Variants in SLC28A1 observed in about 807,000 individuals in gnomAD.
SLC28A1 encodes sodium/nucleoside cotransporter 1.
SLC28A1 carries 64 observed loss-of-function variants against 74.8 expected under a neutral mutation model. That is an observed-to-expected ratio of 0.86 (90% CI 0.70 to 1.05). The LOEUF (loss-of-function observed/expected upper bound fraction) is 1.05. SLC28A1 is among the 50% of genes least tolerant of loss of function. SLC28A1 has a pLI of 0.00. For missense variants in SLC28A1, 828 were observed against 822.8 expected (o/e 1.01, Z -0.08); for synonymous variants, 359 against 335.0 (o/e 1.07, Z -0.78).
intron 13 of SLC28A1, among the ~76,000 whole-genome samples, chr15:84,934,415 C>T (rs779748630): frequency 5.3e-5 from 8 of 152,208 alleles, no homozygotes; most frequent in Non-Finnish European, 1.0e-4. Context: ...TTTGATTTCA[C>T]TCACCTCCTA....
rs761034251 is a variant in SLC28A1 at position 84,904,113 on chromosome 15, GC to G, written c.479del (p.Ala160ValfsTer83). On this transcript the variant is annotated frameshift_variant, in exon 7 of 19. Coordinates refer to ENST00000394573, the MANE Select transcript of SLC28A1 (RefSeq NM_004213.5). LOFTEE classifies it high-confidence loss of function. ...LWFKRGLALA[A>X]FLGLVLWLSL... ...TGCCTGCAGGGGTCTAGCTCTTGCT[GC>G]TTTCCTGGGCCTGGTCCTGTGGCTG... 6.2e-7 allele frequency: 1 copy of G among 1,614,122 alleles called. No homozygotes were observed. Among genetic ancestry groups the G allele is most frequent in the African/African-American group, 1.3e-5 (1 of 74,932 alleles).
At chr15:84,888,211 A>G (rs1216250796) in intron 3 of SLC28A1, among the ~76,000 whole-genome samples, 2 of 152,028 alleles carry the variant, frequency 1.3e-5, no homozygotes, top group Non-Finnish European at 2.9e-5. Context: ...TCTCTAAGGA[A>G]ATCTCAGCCT....
chr15:84,937,601 T>A (rs1972084935), intron 15 of SLC28A1, among the ~76,000 whole-genome samples: 2 of 152,214 alleles, frequency 1.3e-5, no homozygotes, highest in African/African-American at 2.4e-5. Context: ...CTCTAGGTTT[T>A]TTAAAAAAGA....
At chr15:84,888,650 C>T in intron 3 of SLC28A1, 122 bp from the exon 4 acceptor site, 1 of 706,736 alleles carries the variant, frequency 1.4e-6, no homozygotes, top group Non-Finnish European at 2.6e-6. Context: ...TCTAATTCCT[C>T]CCTGTGCCCC....
At chr15:84,966,400 C>T in the SLC28A1 span, among the ~76,000 whole-genome samples, 1 of 152,138 alleles carries the variant, frequency 6.6e-6, no homozygotes, top group Non-Finnish European at 1.5e-5. Flanking sequence ...AAGTCTTGCT[C>T]TGTCACTCAG....
rs1970890878 is a variant in SLC28A1 at position 84,928,611 on chromosome 15, CTTTCTTTTCTTTCTTTCTTT to C, written c.1083+4502_1084-4514del. Among the ~76,000 whole-genome samples the C allele has an allele frequency of 2.5e-4, 8 of 31,788 alleles. 2 individuals carry two copies. The highest frequency in any genetic ancestry group is 7.4e-4 in the African/African-American group (4 of 5,400). 20.9% of individuals were successfully genotyped at this position (31,788 alleles called of 152,430 possible). On this transcript the variant is annotated intron_variant, in intron 12 of 18. Transcript: ENST00000394573. ...CTTTCTTTCTTTCTTTCTTTTCTTT[CTTTCTTTTCTTTCTTTCTTT>C]CTTTTTTTTTGAGACAGAGTCTCCC...
chr15:84,920,878 T>G (rs113931540), intron 10 of SLC28A1, 111 bp from the exon 11 acceptor site: 56 of 841,328 alleles, frequency 6.7e-5, no homozygotes, highest in African/African-American at 6.4e-4. Flanking sequence ...GAAGGGGTCC[T>G]ACACTGGGCT....
Position 84,924,040 on chromosome 15 carries a change from T to C in SLC28A1, c.1013T>C (p.Val338Ala), listed in dbSNP as rs139484056. The C allele has an allele frequency of 1.0e-3, 1,608 of 1,613,962 alleles. 1 individual carries two copies. Among genetic ancestry groups the C allele is most frequent in the Non-Finnish European group, 1.2e-3 (1,457 of 1,179,986 alleles). Reference protein sequence around the residue: ...PYLADMTLSEVHVVMTGGYAT... With the variant: ...PYLADMTLSEAHVVMTGGYAT... Reference sequence around the variant, plus strand: ...TTGGCAGACATGACACTCTCTGAAGTCCACGTTGTCATGACCGGAGGTTAC... The same window carrying C: ...TTGGCAGACATGACACTCTCTGAAGCCCACGTTGTCATGACCGGAGGTTAC... Residue 338 changes from valine (V) to alanine (A), a missense_variant, in exon 12 of 19, where the codon GTC becomes GCC. This residue lies in a region of SLC28A1 where 767 missense variants were observed against 753.5 expected (regional missense o/e 1.02). Coordinates refer to ENST00000394573, the MANE Select transcript of SLC28A1 (RefSeq NM_004213.5).
At chr15:84,910,466 T>G (rs12101889) in intron 9 of SLC28A1, among the ~76,000 whole-genome samples, 1 of 152,072 alleles carries the variant, frequency 6.6e-6, no homozygotes, top group Non-Finnish European at 1.5e-5. Flanking sequence ...CGGTGGCTCA[T>G]GCCTGTAATC....
In SLC28A1 at chr15:84,933,391, C is replaced by G. The variant is rs1466429896; in HGVS notation, c.1214+116C>G. The G allele has an allele frequency of 2.3e-5, 30 of 1,287,136 alleles. No homozygotes were observed. The Admixed American group carries it at 5.0e-4, about 22-fold the overall frequency. 79.7% of individuals were successfully genotyped at this position (1,287,136 alleles called of 1,614,324 possible). A position where few individuals can be genotyped will look rare whatever the true frequency, so the allele number is the denominator to read the frequency against. On this transcript the variant is annotated intron_variant, in intron 13 of 18. Transcript: ENST00000394573. ...CTTCCACTAGCCTGGGCCCATCTCTCCACTTTTCCTGCTCTGGTTTGGGCT... is the reference window on the plus strand; with the variant it reads ...CTTCCACTAGCCTGGGCCCATCTCTGCACTTTTCCTGCTCTGGTTTGGGCT...
intron 15 of SLC28A1, among the ~76,000 whole-genome samples, chr15:84,941,512 G>GC (rs1555457324): frequency 1.4e-5 from 2 of 148,146 alleles, no homozygotes; most frequent in Non-Finnish European, 3.0e-5. Context: ...GCCGGGATTT[G>GC]TTTTTTTTTT....
At chr15:84,950,887 C>T in the SLC28A1 span, among the ~76,000 whole-genome samples, 1 of 152,052 alleles carries the variant, frequency 6.6e-6, no homozygotes, top group Non-Finnish European at 1.5e-5. Context: ...GGCCATATTG[C>T]CGTGTTACGA....
At chr15:84,888,610 C>T (rs576501996) in intron 3 of SLC28A1, among the ~76,000 whole-genome samples, 162 bp from the exon 4 acceptor site, 1 of 152,356 alleles carries the variant, frequency 6.6e-6, no homozygotes, top group Admixed American at 6.5e-5. Context: ...GTGCTCAGTG[C>T]CTGCCTTGCA....
chr15:84,953,059 A>C, the SLC28A1 span, among the ~76,000 whole-genome samples: 1 of 152,206 alleles, frequency 6.6e-6, no homozygotes, highest in Admixed American at 6.5e-5. Context: ...GAAGACAAAT[A>C]AGCTCCATCA....
chr15:84,906,398 G>A (rs62021369), intron 8 of SLC28A1, among the ~76,000 whole-genome samples: 2 of 151,780 alleles, frequency 1.3e-5, no homozygotes, highest in East Asian at 1.9e-4. Context: ...TCACTGCAGC[G>A]TTGACATCCT....
intron 12 of SLC28A1, among the ~76,000 whole-genome samples, chr15:84,931,061 C>T (rs568029333): frequency 1.3e-5 from 2 of 151,886 alleles, no homozygotes; most frequent in African/African-American, 4.8e-5. Flanking sequence ...GTGAGCCCCA[C>T]GCCCGGCCTA....
downstream of SLC28A1, among the ~76,000 whole-genome samples, chr15:84,950,422 C>T (rs78367456): frequency 0.036 from 5,138 of 143,778 alleles, 312 homozygotes; most frequent in African/African-American, 0.12. Context: ...TGGCCACTTA[C>T]AATAAAAACT....
chr15:84,921,137 T>C lies in SLC28A1; in HGVS notation c.957+68T>C, dbSNP rs541885901. On this transcript the variant is annotated intron_variant, in intron 11 of 18. Transcript: ENST00000394573. ...CCCCAAAGAGGGCAGTTTCCCTGGA[T>C]CCCCAGAGCTCTGATTCAGTCCAAG... 3 of 1,170,374 alleles carry C rather than the reference T, an allele frequency of 2.6e-6. No individual in the cohort carries two copies. The East Asian group carries it at 7.0e-5, about 27-fold the overall frequency. The allele number at this position is 1,170,374 out of a possible 1,614,324, so 72.5% of individuals were successfully genotyped here.
downstream of SLC28A1, among the ~76,000 whole-genome samples, chr15:84,946,085 C>CATATATATATATATATAT (rs1352839442): frequency 1.3e-4 from 3 of 23,950 alleles, no homozygotes; most frequent in African/African-American, 2.3e-4. Context: ...TGTGTATGTT[C>CATATATATATATATATAT]ATATATATAT....
Sources: gnomAD v4.1 joint callset for allele counts (sites outside exome capture counted in the v4.1 genomes callset) on GRCh38, gnomAD v4.1.1 for gene constraint, gnomAD v4.1.1 regional missense constraint, MANE v1.5 for transcripts, NCBI Gene and HGNC (gene_info 2026-07-23, HGNC 2026-07-21) for gene names.